PCCA: variants seen among roughly 807,000 people sequenced by gnomAD.
PCCA encodes the protein propionyl-CoA carboxylase subunit alpha.
In PCCA, 74 loss-of-function variants were observed where a neutral mutation model predicts 101.3. The ratio of observed to expected loss-of-function variants is 0.73; its 90% CI spans 0.61 to 0.89. PCCA has a LOEUF of 0.89. PCCA is among the 40% of genes least tolerant of loss of function. The pLI is 0.00. For missense variants in PCCA, 891 were observed against 907.0 expected (o/e 0.98, Z 0.23); for synonymous variants, 294 against 313.6 (o/e 0.94, Z 0.66).
At chr13:100,311,921 C>T (rs565866032) in intron 16 of PCCA, among the ~76,000 whole-genome samples, 1 of 152,004 alleles carries the variant, frequency 6.6e-6, no homozygotes, top group East Asian at 1.9e-4. Flanking sequence ...TTCATTGCAC[C>T]CTGTTCAAAT....
chr13:100,403,518 C>T (rs1168237231), intron 19 of PCCA, among the ~76,000 whole-genome samples: 7 of 151,940 alleles, frequency 4.6e-5, no homozygotes, highest in Non-Finnish European at 8.8e-5. Flanking sequence ...CCACAGTGAG[C>T]GGGGGTGGGG....
intron 16 of PCCA, among the ~76,000 whole-genome samples, chr13:100,329,164 T>C (rs2069160260): frequency 6.6e-6 from 1 of 152,178 alleles, no homozygotes. Flanking sequence ...TACATCATTT[T>C]AATGTACATT....
chr13:100,515,354 T>G (rs2086755099), intron 21 of PCCA, 73 bp from the exon 22 acceptor site: 2 of 1,385,010 alleles, frequency 1.4e-6, no homozygotes, highest in South Asian at 2.4e-5. Flanking sequence ...AAAAATTGAT[T>G]TAGAATGAAT....
intron 6 of PCCA, among the ~76,000 whole-genome samples, chr13:100,183,277 C>T (rs1313723119): frequency 6.6e-6 from 1 of 152,128 alleles, no homozygotes; most frequent in Non-Finnish European, 1.5e-5. Flanking sequence ...ACTGTGGTAT[C>T]ATTAGCGTTA....
At chr13:100,404,734 C>T (rs2077571619) in intron 19 of PCCA, among the ~76,000 whole-genome samples, 1 of 152,106 alleles carries the variant, frequency 6.6e-6, no homozygotes, top group African/African-American at 2.4e-5. Flanking sequence ...AGCAGGGGGC[C>T]TAGGGGGTGA....
chr13:100,429,931 A>C (rs2152900073), intron 20 of PCCA, among the ~76,000 whole-genome samples: 1 of 152,144 alleles, frequency 6.6e-6, no homozygotes, highest in African/African-American at 2.4e-5. Flanking sequence ...TATCTATATA[A>C]AAGCTAAAGA....
intron 6 of PCCA, among the ~76,000 whole-genome samples, chr13:100,176,000 G>C (rs956072170): frequency 2.0e-5 from 3 of 152,198 alleles, no homozygotes; most frequent in Admixed American, 2.0e-4. Flanking sequence ...ATGAAGCCAA[G>C]TCTGATCGTT....
At chr13:100,495,181 C>T (rs2085188037) in intron 21 of PCCA, among the ~76,000 whole-genome samples, 1 of 152,156 alleles carries the variant, frequency 6.6e-6, no homozygotes, top group Non-Finnish European at 1.5e-5. Flanking sequence ...AACTCCAAAA[C>T]AAAGATTAAT....
At chr13:100,240,934 A>T (rs889125868) in intron 8 of PCCA, among the ~76,000 whole-genome samples, 4 of 111,620 alleles carry the variant, frequency 3.6e-5, no homozygotes, top group Admixed American at 1.9e-4. Context: ...TGACATATGC[A>T]TATATATATA....
At chr13:100,179,128 G>A (rs1207511796) in intron 6 of PCCA, among the ~76,000 whole-genome samples, 2 of 150,178 alleles carry the variant, frequency 1.3e-5, no homozygotes, top group African/African-American at 4.9e-5. Flanking sequence ...GTTTGGATGG[G>A]CTTTTTTAAT....
intron 18 of PCCA, among the ~76,000 whole-genome samples, chr13:100,358,279 A>T (rs571641631): frequency 5.3e-5 from 8 of 152,338 alleles, no homozygotes; most frequent in African/African-American, 1.9e-4. Context: ...AGAGGGAGAT[A>T]ACATGATGAG....
At position 100,268,851 on chromosome 13, in the gene PCCA, C is replaced by A. The variant is rs1439811656; in HGVS notation, c.914+68C>A. Reference sequence around the variant, plus strand: ...CATTTCATTCATTCATTCATTCATTCATCATTCACTGACGCATGCATTCAG... The same window carrying A: ...CATTTCATTCATTCATTCATTCATTAATCATTCACTGACGCATGCATTCAG... On this transcript the variant is annotated intron_variant, in intron 11 of 23. Coordinates refer to ENST00000376285, the MANE Select transcript of PCCA (RefSeq NM_000282.4). The A allele has an allele frequency of 6.8e-5, 72 of 1,053,130 alleles. No homozygotes were observed. In the Admixed American group the frequency reaches 1.1e-3, roughly 17 times the overall value. The allele number at this position is 1,053,130 out of a possible 1,614,324, so 65.2% of individuals were successfully genotyped here. A position where few individuals can be genotyped will look rare whatever the true frequency, so the allele number is the denominator to read the frequency against.
chr13:100,237,958 A>G (rs1594871157), intron 8 of PCCA, among the ~76,000 whole-genome samples: 1 of 117,828 alleles, frequency 8.5e-6, no homozygotes, highest in East Asian at 2.4e-4. Context: ...TTTTTTTGAG[A>G]CAGACTTTTC....
chr13:100,377,518 A>G (rs1401430030), intron 19 of PCCA, among the ~76,000 whole-genome samples: 1 of 151,934 alleles, frequency 6.6e-6, no homozygotes, highest in Non-Finnish European at 1.5e-5. Flanking sequence ...TTTTTGAGAC[A>G]GAGTCTCGCT....
intron 17 of PCCA, among the ~76,000 whole-genome samples, chr13:100,335,822 C>A (rs1180102687): frequency 6.6e-6 from 1 of 152,150 alleles, no homozygotes; most frequent in Non-Finnish European, 1.5e-5. Context: ...AAAATCTAAC[C>A]CCCTGGTGAG....
chr13:100,102,451 A>G (rs952423340), intron 1 of PCCA, among the ~76,000 whole-genome samples: 4 of 152,260 alleles, frequency 2.6e-5, no homozygotes, highest in Non-Finnish European at 5.9e-5. Flanking sequence ...GAAATAAGAA[A>G]TCATGCTGAA....
chr13:100,122,482 T>A (rs1391500491), intron 4 of PCCA, among the ~76,000 whole-genome samples: 1 of 152,220 alleles, frequency 6.6e-6, no homozygotes, highest in Non-Finnish European at 1.5e-5. Flanking sequence ...GGTTAGTTTT[T>A]GATTGTTAAA....
chr13:100,444,662 C>G (rs2080668045), intron 20 of PCCA, among the ~76,000 whole-genome samples: 1 of 152,050 alleles, frequency 6.6e-6, no homozygotes, highest in East Asian at 1.9e-4. Flanking sequence ...AGGATGGTCT[C>G]AATCTCCTGA....
chr13:100,485,123 G>T (rs1348811033), intron 21 of PCCA, among the ~76,000 whole-genome samples: 2 of 152,180 alleles, frequency 1.3e-5, no homozygotes, highest in Admixed American at 1.3e-4. Context: ...AAACAGAGGG[G>T]GACAGGGCTG....
Sources: gnomAD v4.1 joint callset for allele counts (sites outside exome capture counted in the v4.1 genomes callset) on GRCh38, gnomAD v4.1.1 for gene constraint, MANE v1.5 for transcripts, NCBI Gene and HGNC (gene_info 2026-07-23, HGNC 2026-07-21) for gene names.